NTN1: variants seen among roughly 807,000 people sequenced by gnomAD.
NTN1 encodes the protein netrin-1.
NTN1 carries 11 observed loss-of-function variants against 54.2 expected under a neutral mutation model. The ratio of observed to expected loss-of-function variants is 0.20; its 90% CI spans 0.13 to 0.34. The LOEUF (loss-of-function observed/expected upper bound fraction) is 0.34. Among genes scored for constraint, NTN1 ranks in the 10% least tolerant of loss-of-function variants. NTN1 has a pLI of 1.00. For synonymous variants in NTN1, 371 were observed against 382.0 expected (o/e 0.97, Z 0.33); for missense variants, 740 against 893.1 (o/e 0.83, Z 2.18).
chr17:9,216,727 T>C (rs1245227887), intron 5 of NTN1, among the ~76,000 whole-genome samples: 2 of 152,172 alleles, frequency 1.3e-5, no homozygotes, highest in East Asian at 3.9e-4. Flanking sequence ...ATTTTCTGAT[T>C]CTCTGCAATG....
intron 2 of NTN1, among the ~76,000 whole-genome samples, chr17:9,134,771 C>T (rs564587924): frequency 7.9e-5 from 12 of 152,268 alleles, no homozygotes; most frequent in Admixed American, 3.3e-4. Flanking sequence ...TCACAGAGCC[C>T]GCTGAGTTTA....
At chr17:9,012,466 G>A in the NTN1 span, among the ~76,000 whole-genome samples, 3 of 151,072 alleles carry the variant, frequency 2.0e-5, no homozygotes, top group South Asian at 2.1e-4. Context: ...AGCTGAGATC[G>A]CACCACTGCA....
At chr17:9,007,624 C>T in the NTN1 span, among the ~76,000 whole-genome samples, 2 of 141,478 alleles carry the variant, frequency 1.4e-5, no homozygotes, top group African/African-American at 2.6e-5. Flanking sequence ...TCCTTCCTTC[C>T]TTCCTTTCTT....
chr17:9,167,510 T>A (rs1331232162), intron 3 of NTN1, among the ~76,000 whole-genome samples: 4 of 152,218 alleles, frequency 2.6e-5, no homozygotes, highest in Non-Finnish European at 5.9e-5. Flanking sequence ...ACAAAGGGCT[T>A]GCATTTCCAT....
chr17:9,178,155 C>T (rs1212471902), intron 3 of NTN1, among the ~76,000 whole-genome samples: 1 of 152,220 alleles, frequency 6.6e-6, no homozygotes, highest in East Asian at 1.9e-4. Context: ...CGAGATTACG[C>T]CATTGCACTC....
intron 5 of NTN1, among the ~76,000 whole-genome samples, chr17:9,202,029 T>TACACACACACAC (rs1200661283): frequency 0.042 from 1,131 of 26,814 alleles, 83 homozygotes; most frequent in South Asian, 0.054. Flanking sequence ...CTACTAAAAA[T>TACACACACACAC]ACACACACAC....
At chr17:9,118,582 A>G (rs766046011) in intron 2 of NTN1, among the ~76,000 whole-genome samples, 5 of 152,230 alleles carry the variant, frequency 3.3e-5, no homozygotes, top group Admixed American at 6.5e-5. Flanking sequence ...AACCATCACC[A>G]TAATAGATTT....
At chr17:9,161,565 G>A (rs1023281809) in intron 2 of NTN1, among the ~76,000 whole-genome samples, 1 of 152,078 alleles carries the variant, frequency 6.6e-6, no homozygotes, top group Non-Finnish European at 1.5e-5. Context: ...AGGTCACAAG[G>A]TCAGGAGTTC....
At chr17:9,220,628 G>A (rs1247854922) in intron 5 of NTN1, among the ~76,000 whole-genome samples, 4 of 152,090 alleles carry the variant, frequency 2.6e-5, no homozygotes, top group Admixed American at 1.3e-4. Context: ...ACTCGTCTTC[G>A]TGGGGCATTT....
intron 2 of NTN1, among the ~76,000 whole-genome samples, chr17:9,130,622 TCTTC>T (rs1354347951): frequency 6.6e-6 from 1 of 152,158 alleles, no homozygotes; most frequent in Non-Finnish European, 1.5e-5. Context: ...ACTCGGGGTT[TCTTC>T]CTTGGTCCTT....
chr17:9,013,192 A>G, the NTN1 span, among the ~76,000 whole-genome samples: 1 of 142,004 alleles, frequency 7.0e-6, no homozygotes, highest in Non-Finnish European at 1.5e-5. Context: ...ACAGAGAAAC[A>G]CTCTTTTTTT....
chr17:9,122,874 G>C (rs1395386788), intron 2 of NTN1, among the ~76,000 whole-genome samples: 1 of 152,116 alleles, frequency 6.6e-6, no homozygotes, highest in Non-Finnish European at 1.5e-5. Flanking sequence ...CGGCTTTGTA[G>C]TTTTGCATGG....
At chr17:9,055,471 A>G (rs547575837) in intron 2 of NTN1, among the ~76,000 whole-genome samples, 2 of 152,312 alleles carry the variant, frequency 1.3e-5, no homozygotes, top group South Asian at 4.1e-4. Context: ...TAGACAAGGC[A>G]CCAGGTGAGG....
At chr17:9,065,156 C>T (rs1461504169) in intron 2 of NTN1, among the ~76,000 whole-genome samples, 7 of 152,124 alleles carry the variant, frequency 4.6e-5, no homozygotes, top group African/African-American at 7.2e-5. Flanking sequence ...AGGCTGGTCT[C>T]GAACTCCTGA....
At chr17:9,129,715 C>T (rs1305887052) in intron 2 of NTN1, among the ~76,000 whole-genome samples, 1 of 152,206 alleles carries the variant, frequency 6.6e-6, no homozygotes, top group East Asian at 1.9e-4. Context: ...GATAACTCAG[C>T]ATGCAAGAGA....
At chr17:9,121,949 A>G (rs1347532377) in intron 2 of NTN1, among the ~76,000 whole-genome samples, 1 of 152,010 alleles carries the variant, frequency 6.6e-6, no homozygotes, top group Non-Finnish European at 1.5e-5. Context: ...TTGATACAGG[A>G]GAGCTGGAAT....
At chr17:9,108,343 A>G (rs1157357763) in intron 2 of NTN1, among the ~76,000 whole-genome samples, 1 of 152,124 alleles carries the variant, frequency 6.6e-6, no homozygotes, top group Non-Finnish European at 1.5e-5. Flanking sequence ...AATCCACCCC[A>G]GGAAGGGGTG....
At chr17:9,061,715 T>C (rs2091999149) in intron 2 of NTN1, among the ~76,000 whole-genome samples, 1 of 151,976 alleles carries the variant, frequency 6.6e-6, no homozygotes, top group African/African-American at 2.4e-5. Flanking sequence ...TTTTGTTTTG[T>C]TTTTTTGAGA....
intron 2 of NTN1, among the ~76,000 whole-genome samples, chr17:9,146,077 G>T (rs1051100403): frequency 3.9e-5 from 6 of 152,162 alleles, no homozygotes; most frequent in African/African-American, 1.2e-4. Context: ...GGAGACCCCT[G>T]CGAGGCCCTT....
Sources: allele counts gnomAD v4.1 joint callset (sites outside exome capture counted in the v4.1 genomes callset), GRCh38; gene constraint gnomAD v4.1.1; transcripts MANE v1.5; gene names NCBI Gene and HGNC (gene_info 2026-07-23, HGNC 2026-07-21).